MTUS2: variants seen among roughly 807,000 people sequenced by gnomAD.
The protein encoded by MTUS2 is microtubule associated scaffold protein 2, also known as microtubule-associated tumor suppressor candidate 2.
Under a neutral mutation model 114.1 loss-of-function variants are expected in MTUS2, and 40 were observed. The observed-to-expected ratio is 0.35, with a 90% CI of 0.27 to 0.46. The LOEUF (loss-of-function observed/expected upper bound fraction) is 0.46. Among genes scored for constraint, MTUS2 ranks in the 20% least tolerant of loss-of-function variants. The pLI is 1.00. For missense variants in MTUS2, 1,679 were observed against 1,705.4 expected, an observed-to-expected ratio of 0.98 and a Z score of 0.27; for synonymous variants, 688 against 672.0, an observed-to-expected ratio of 1.02 and a Z score of -0.37.
chr13:28,939,809 G>A (rs1344324315), intron 2 of MTUS2, among the ~76,000 whole-genome samples: 3 of 152,064 alleles, frequency 2.0e-5, no homozygotes, highest in Non-Finnish European at 4.4e-5. Context: ...CATACCCAAC[G>A]CTGGGTAATA....
chr13:28,954,860 G>C (rs1882983253), intron 2 of MTUS2, among the ~76,000 whole-genome samples: 1 of 152,064 alleles, frequency 6.6e-6, no homozygotes, highest in Non-Finnish European at 1.5e-5. Flanking sequence ...CACTTCGAGG[G>C]GTGGTTGGAG....
chr13:29,026,992 C>T, intron 3 of MTUS2, 89 bp downstream of exon 3: 2 of 1,312,684 alleles, frequency 1.5e-6, no homozygotes, highest in Non-Finnish European at 2.1e-6. Flanking sequence ...GTAAAATGTC[C>T]TCTTTAAGTG....
At chr13:29,045,554 G>A (rs1308160956) in intron 4 of MTUS2, among the ~76,000 whole-genome samples, 1 of 152,156 alleles carries the variant, frequency 6.6e-6, no homozygotes, top group African/African-American at 2.4e-5. Context: ...CAATCATTGA[G>A]GGCAAGTGTA....
intron 5 of MTUS2, among the ~76,000 whole-genome samples, chr13:29,173,204 A>C (rs1242888335): frequency 6.6e-6 from 1 of 152,022 alleles, no homozygotes; most frequent in African/African-American, 2.4e-5. Flanking sequence ...TTTTTGAGTC[A>C]TCTGTTCTAC....
At chr13:29,473,630 G>C (rs1487526807) in intron 9 of MTUS2, among the ~76,000 whole-genome samples, 1 of 152,136 alleles carries the variant, frequency 6.6e-6, no homozygotes, top group African/African-American at 2.4e-5. Flanking sequence ...TTTTATATCA[G>C]ATGTGTGTGT....
chr13:28,969,459 G>A (rs967401646), intron 2 of MTUS2, among the ~76,000 whole-genome samples: 1 of 151,830 alleles, frequency 6.6e-6, no homozygotes, highest in African/African-American at 2.4e-5. Context: ...ATATTATTAT[G>A]ATGATTATTA....
intron 5 of MTUS2, among the ~76,000 whole-genome samples, chr13:29,128,514 CAAT>C (rs1891615629): frequency 1.3e-5 from 2 of 152,022 alleles, no homozygotes; most frequent in Admixed American, 1.3e-4. Context: ...CATTAAATGT[CAAT>C]AACATGATTT....
chr13:28,916,177 A>G (rs1282160694), intron 2 of MTUS2, among the ~76,000 whole-genome samples: 3 of 149,804 alleles, frequency 2.0e-5, no homozygotes, highest in Admixed American at 1.3e-4. Flanking sequence ...TATGCCAGTA[A>G]CATACTGTTT....
At chr13:29,294,680 A>G (rs566932385) in intron 6 of MTUS2, among the ~76,000 whole-genome samples, 4 of 152,360 alleles carry the variant, frequency 2.6e-5, no homozygotes, top group African/African-American at 9.6e-5. Flanking sequence ...GTCCTCTCTC[A>G]GTGGAATCAC....
intron 2 of MTUS2, among the ~76,000 whole-genome samples, chr13:29,003,834 C>T (rs1233367223): frequency 3.9e-5 from 6 of 152,158 alleles, no homozygotes; most frequent in Admixed American, 6.5e-5. Flanking sequence ...GCACAGCCTC[C>T]GTGGATGGCT....
intron 4 of MTUS2, among the ~76,000 whole-genome samples, chr13:29,090,795 C>T (rs955928597): frequency 1.3e-5 from 2 of 152,226 alleles, no homozygotes; most frequent in Non-Finnish European, 2.9e-5. Flanking sequence ...TCTAACAAGT[C>T]TTTGGGGATG....
intron 2 of MTUS2, among the ~76,000 whole-genome samples, chr13:28,895,882 A>C (rs529550778): frequency 6.6e-6 from 1 of 152,300 alleles, no homozygotes; most frequent in East Asian, 1.9e-4. Context: ...TAATTCTGTG[A>C]GATGGTGCAG....
Position 29,256,627 on chromosome 13 carries a change from A to G in MTUS2, c.2645-25077A>G, listed in dbSNP as rs141960113. Among the ~76,000 whole-genome samples, 518 of 152,386 alleles carry G rather than the reference A, an allele frequency of 3.4e-3. 5 individuals are homozygous for G. The highest frequency in any genetic ancestry group is 0.012 in the African/African-American group (497 of 41,592). On this transcript the variant is annotated intron_variant, in intron 5 of 15. Coordinates refer to ENST00000612955, the MANE Select transcript of MTUS2 (RefSeq NM_001033602.4). Reference sequence around the variant, plus strand: ...GACTCATATTTCATTGGCTAAAAACAGAGGAGAAAATAAATACAAGACTTA... The same window carrying G: ...GACTCATATTTCATTGGCTAAAAACGGAGGAGAAAATAAATACAAGACTTA...
chr13:29,223,047 G>C (rs1378694935), intron 5 of MTUS2, among the ~76,000 whole-genome samples: 1 of 152,200 alleles, frequency 6.6e-6, no homozygotes, highest in Admixed American at 6.5e-5. Context: ...GGACACTGTG[G>C]GCACCATGGA....
intron 6 of MTUS2, among the ~76,000 whole-genome samples, chr13:29,316,735 C>G (rs901056503): frequency 3.9e-5 from 6 of 152,158 alleles, no homozygotes; most frequent in African/African-American, 1.4e-4. Context: ...GTTACAAACT[C>G]CGTACCTTCA....
chr13:28,873,521 A>G (rs1877748698), intron 2 of MTUS2, among the ~76,000 whole-genome samples: 1 of 152,260 alleles, frequency 6.6e-6, no homozygotes, highest in Non-Finnish European at 1.5e-5. Flanking sequence ...GACAACATAT[A>G]AAATTAGTTC....
chr13:29,020,587 T>C (rs925920400), intron 2 of MTUS2, among the ~76,000 whole-genome samples: 2 of 152,216 alleles, frequency 1.3e-5, no homozygotes, highest in African/African-American at 4.8e-5. Context: ...CCTGATAAAA[T>C]TGAAGAAAGT....
intron 9 of MTUS2, among the ~76,000 whole-genome samples, chr13:29,455,643 C>G (rs903284428): frequency 6.6e-6 from 1 of 152,024 alleles, no homozygotes; most frequent in Non-Finnish European, 1.5e-5. Flanking sequence ...AATAGACATA[C>G]AAAGAAGCAA....
intron 7 of MTUS2, among the ~76,000 whole-genome samples, chr13:29,327,091 G>T (rs1454370350): frequency 6.6e-6 from 1 of 152,002 alleles, no homozygotes; most frequent in East Asian, 1.9e-4. Context: ...GTAAAATCTA[G>T]CTTTAGATCG....
Sources: allele counts gnomAD v4.1 joint callset (sites outside exome capture counted in the v4.1 genomes callset), GRCh38; gene constraint gnomAD v4.1.1; transcripts MANE v1.5; gene names NCBI Gene and HGNC (gene_info 2026-07-23, HGNC 2026-07-21).